Variants in TRPC1 observed in about 807,000 individuals in gnomAD.
TRPC1 encodes the protein short transient receptor potential channel 1.
In TRPC1, 42 loss-of-function variants were observed where a neutral mutation model predicts 88.2. The observed-to-expected ratio is 0.48, with a 90% confidence interval of 0.37 to 0.62. The LOEUF (loss-of-function observed/expected upper bound fraction) is 0.62, where lower values mean the gene tolerates loss of function less well. Among genes scored for constraint, TRPC1 ranks in the 20% least tolerant of loss-of-function variants. The pLI is 0.00. For synonymous variants in TRPC1, 288 were observed against 331.8 expected (o/e 0.87, Z 1.43); for missense variants, 699 against 957.3 (o/e 0.73, Z 3.56).
intron 4 of TRPC1, among the ~76,000 whole-genome samples, chr3:142,759,287 C>T (rs1305057236): frequency 3.3e-5 from 5 of 152,220 alleles, no homozygotes; most frequent in African/African-American, 1.2e-4. Context: ...TTTACAGTCC[C>T]ACCAACAGTG....
chr3:142,791,194 A>G, intron 8 of TRPC1, 36 bp downstream of exon 8: 1 of 1,563,550 alleles, frequency 6.4e-7, no homozygotes, highest in African/African-American at 1.4e-5. Context: ...GGCACAAATT[A>G]AGTTTATTTT....
chr3:142,779,860 GA>G lies in TRPC1; in HGVS notation c.765-973del, dbSNP rs1378224380. On this transcript the variant is annotated intron_variant, in intron 5 of 12. Coordinates refer to ENST00000476941, the MANE Select transcript of TRPC1 (RefSeq NM_001251845.2). ...GCTTAGACATAAAGTTAATGTAATT[GA>G]TTTTTTTTTTTTTTTTTTTTTGGAG... Among the ~76,000 whole-genome samples the G allele has an allele frequency of 3.6e-5, 5 of 139,644 alleles. No individual in the cohort carries two copies. The East Asian group carries it at 8.6e-4, about 24-fold the overall frequency. The allele number at this position is 139,644 out of a possible 152,430, so 91.6% of individuals were successfully genotyped here. A position where few individuals can be genotyped will look rare whatever the true frequency, so the allele number is the denominator to read the frequency against.
At chr3:142,754,433 C>T (rs1009370668) in intron 4 of TRPC1, among the ~76,000 whole-genome samples, 6 of 151,796 alleles carry the variant, frequency 4.0e-5, no homozygotes, top group Admixed American at 6.6e-5. Flanking sequence ...AAAAAAATGA[C>T]GAGTTAATGT....
At chr3:142,803,729 C>T (rs1157619740) in intron 10 of TRPC1, among the ~76,000 whole-genome samples, 1 of 152,128 alleles carries the variant, frequency 6.6e-6, no homozygotes. Flanking sequence ...ATATAGGCTG[C>T]CTTGTTGAGA....
chr3:142,742,963 TG>T (rs1934408493), intron 2 of TRPC1, among the ~76,000 whole-genome samples: 1 of 152,214 alleles, frequency 6.6e-6, no homozygotes, highest in Non-Finnish European at 1.5e-5. Flanking sequence ...ATGTCAAATT[TG>T]TAGCATTTTA....
intron 4 of TRPC1, among the ~76,000 whole-genome samples, chr3:142,771,378 G>A (rs369780518): frequency 4.6e-5 from 7 of 151,974 alleles, no homozygotes; most frequent in East Asian, 1.9e-4. Context: ...GTTTTGCCAC[G>A]TTGCCCAGGC....
chr3:142,775,625 A>G (rs1238128483), intron 4 of TRPC1, among the ~76,000 whole-genome samples: 2 of 152,194 alleles, frequency 1.3e-5, no homozygotes, highest in Admixed American at 1.3e-4. Context: ...TCAAAAAAAA[A>G]AAGTATTTGA....
intron 2 of TRPC1, among the ~76,000 whole-genome samples, chr3:142,740,669 A>G (rs1463963610): frequency 6.6e-6 from 1 of 152,260 alleles, no homozygotes; most frequent in Non-Finnish European, 1.5e-5. Flanking sequence ...AGTTTTTAAC[A>G]TATTGGCTTA....
chr3:142,788,932 CACTGT>C (rs1936214480), intron 7 of TRPC1, among the ~76,000 whole-genome samples: 1 of 152,128 alleles, frequency 6.6e-6, no homozygotes, highest in Non-Finnish European at 1.5e-5. Context: ...AATTGGTCTT[CACTGT>C]ACTTTCATGT....
intron 4 of TRPC1, among the ~76,000 whole-genome samples, chr3:142,749,975 G>A (rs538896632): frequency 6.6e-6 from 1 of 152,252 alleles, no homozygotes; most frequent in East Asian, 1.9e-4. Flanking sequence ...AACCCTAGAA[G>A]AAAACCTAGG....
Position 142,804,112 on chromosome 3 carries a change from C to T in TRPC1, c.1893C>T (p.Val631=), listed in dbSNP as rs1360411238. Residue 631 remains valine, a synonymous_variant, in exon 11 of 13, where the codon GTC becomes GTT. Transcript: ENST00000476941. ...VGAVIVGTYN[V]VVVIVLTKLL... ...CTGTCATTGTTGGTACATACAATGT[C>T]GTGGTTGTGATTGTGCTTACCAAAC... 6.8e-6 allele frequency: 11 copies of T among 1,613,814 alleles called. No individual in the cohort carries two copies. The highest frequency in any genetic ancestry group is 9.3e-6 in the Non-Finnish European group (11 of 1,179,912).
rs766163257 is a variant in TRPC1 at position 142,726,620 on chromosome 3, C to T, written c.172+1889C>T. Among the ~76,000 whole-genome samples the T allele has an allele frequency of 1.5e-3, 232 of 152,234 alleles. 3 individuals carry two copies. The highest frequency in any genetic ancestry group is 2.3e-3 in the Non-Finnish European group (154 of 68,008). ...TCTTGAGTTAGATTTGGAAAAATAG[C>T]ATAATTCTTACGCATACTTATGGGG... is the stretch of plus-strand genomic sequence containing the variant. On this transcript the variant is annotated intron_variant, in intron 1 of 12. Transcript: ENST00000476941.
intron 3 of TRPC1, among the ~76,000 whole-genome samples, chr3:142,747,105 G>T (rs1322121444): frequency 6.6e-6 from 1 of 152,092 alleles, no homozygotes; most frequent in Non-Finnish European, 1.5e-5. Context: ...TATTAAAAGG[G>T]TCCCTGATCT....
chr3:142,753,937 T>C (rs1199721508), intron 4 of TRPC1, among the ~76,000 whole-genome samples: 2 of 151,682 alleles, frequency 1.3e-5, no homozygotes, highest in Middle Eastern at 3.2e-3. Flanking sequence ...TTTACAAAAA[T>C]AGCCAGATGA....
chr3:142,766,744 G>A (rs373831535), intron 4 of TRPC1, among the ~76,000 whole-genome samples: 11 of 152,084 alleles, frequency 7.2e-5, no homozygotes, highest in East Asian at 1.9e-4. Context: ...CTTCAGTTTC[G>A]GAACTCAGAC....
rs1936323704 is a variant in TRPC1 at position 142,792,569 on chromosome 3, T to C, written c.1438-255T>C. On this transcript the variant is annotated intron_variant, in intron 8 of 12. Coordinates refer to ENST00000476941, the MANE Select transcript of TRPC1 (RefSeq NM_001251845.2). The surrounding 1 kb of genome is among the most constrained non-coding windows in gnomAD (Gnocchi z 4.0). ...AAAAGCTTAATGATCATTTAAAAAA[T>C]TATTTAATTTTCTAAAATTTAAGAG... Among the ~76,000 whole-genome samples, 1 of 151,972 alleles carries C rather than the reference T, an allele frequency of 6.6e-6. No homozygotes were observed. Among genetic ancestry groups the C allele is most frequent in the African/African-American group, 2.4e-5 (1 of 41,426 alleles).
At chr3:142,736,327 CCTTA>C (rs1380963799) in intron 1 of TRPC1, 48 bp from the exon 2 acceptor site, 19 of 1,387,318 alleles carry the variant, frequency 1.4e-5, no homozygotes, top group African/African-American at 8.8e-5. Flanking sequence ...TTACAGTCAT[CCTTA>C]CTTGATATGT....
At chr3:142,790,926 ATTAT>A in intron 7 of TRPC1, 89 bp from the exon 8 acceptor site, 1 of 1,061,994 alleles carries the variant, frequency 9.4e-7, no homozygotes, top group Non-Finnish European at 1.2e-6. Flanking sequence ...AGGCCCAAGG[ATTAT>A]TTATTTAATA....
At chr3:142,760,407 T>C (rs367761258) in intron 4 of TRPC1, among the ~76,000 whole-genome samples, 2 of 152,144 alleles carry the variant, frequency 1.3e-5, no homozygotes, top group East Asian at 1.9e-4. Flanking sequence ...CATGGACTTA[T>C]ATGTGGGTCT....
Sources: allele counts gnomAD v4.1 joint callset (sites outside exome capture counted in the v4.1 genomes callset), GRCh38; gene constraint gnomAD v4.1.1; non-coding constraint Gnocchi (gnomAD v3.1); transcripts MANE v1.5; gene names NCBI Gene and HGNC (gene_info 2026-07-23, HGNC 2026-07-21).